Variants in GABRB2 observed in about 807,000 individuals in gnomAD.
GABRB2 encodes the protein gamma-aminobutyric acid type A receptor subunit beta2.
Under a neutral mutation model 54.7 loss-of-function variants are expected in GABRB2, and 16 were observed. The observed-to-expected ratio is 0.29, with a 90% confidence interval of 0.20 to 0.44. The LOEUF is 0.44. GABRB2 is among the 20% of genes least tolerant of loss of function. The pLI is 1.00. For synonymous variants in GABRB2, 244 were observed against 233.8 expected (o/e 1.04, Z -0.40); for missense variants, 355 against 644.0 (o/e 0.55, Z 4.86).
intron 4 of GABRB2, among the ~76,000 whole-genome samples, chr5:161,438,427 G>A (rs928083512): frequency 6.6e-6 from 1 of 152,134 alleles, no homozygotes; most frequent in Non-Finnish European, 1.5e-5. Context: ...AAGAGAGACA[G>A]CTACAAATAA....
intron 3 of GABRB2, among the ~76,000 whole-genome samples, chr5:161,527,516 T>C (rs1760320276): frequency 6.6e-6 from 1 of 151,552 alleles, no homozygotes; most frequent in South Asian, 2.1e-4. Flanking sequence ...AAAAACCTTC[T>C]GGACAATCAA....
chr5:161,450,240 G>A (rs1457776998), intron 4 of GABRB2, among the ~76,000 whole-genome samples: 2 of 151,982 alleles, frequency 1.3e-5, no homozygotes, highest in African/African-American at 2.4e-5. Context: ...TCATTCCGTT[G>A]AAATCAACAG....
At chr5:161,532,573 A>C (rs1760495743) in intron 3 of GABRB2, among the ~76,000 whole-genome samples, 1 of 152,116 alleles carries the variant, frequency 6.6e-6, no homozygotes, top group Non-Finnish European at 1.5e-5. Context: ...TATACTCAAC[A>C]TTTTATTTTG....
intron 5 of GABRB2, among the ~76,000 whole-genome samples, chr5:161,367,090 A>C (rs1754993240): frequency 6.6e-6 from 1 of 152,212 alleles, no homozygotes; most frequent in African/African-American, 2.4e-5. Context: ...ATAAGGAAAA[A>C]AATCTGTGAG....
chr5:161,432,504 A>C (rs1193362410), intron 4 of GABRB2, among the ~76,000 whole-genome samples: 1 of 152,206 alleles, frequency 6.6e-6, no homozygotes. Context: ...GATCTCAACA[A>C]GATAGTGAGA....
chr5:161,470,573 A>C (rs1274015795), intron 3 of GABRB2, among the ~76,000 whole-genome samples: 1 of 151,928 alleles, frequency 6.6e-6, no homozygotes, highest in Non-Finnish European at 1.5e-5. Context: ...TGATCTGCTA[A>C]CCAAGAATGC....
At chr5:161,510,189 CA>C (rs1641837658) in intron 3 of GABRB2, among the ~76,000 whole-genome samples, 2 of 151,914 alleles carry the variant, frequency 1.3e-5, no homozygotes, top group African/African-American at 4.8e-5. Flanking sequence ...TATAGTTACT[CA>C]TTGTGCTATC....
At chr5:161,513,291 T>C (rs547187849) in intron 3 of GABRB2, among the ~76,000 whole-genome samples, 1 of 152,112 alleles carries the variant, frequency 6.6e-6, no homozygotes, top group East Asian at 1.9e-4. Flanking sequence ...ATATATTCAA[T>C]GGAAAATAAA....
At chr5:161,430,935 C>A (rs1394110086) in intron 4 of GABRB2, among the ~76,000 whole-genome samples, 1 of 152,088 alleles carries the variant, frequency 6.6e-6, no homozygotes, top group African/African-American at 2.4e-5. Flanking sequence ...AGATAGAAGA[C>A]TTGTGAGTTT....
At chr5:161,463,561 A>T (rs1299145055) in intron 3 of GABRB2, among the ~76,000 whole-genome samples, 5 of 75,150 alleles carry the variant, frequency 6.7e-5, no homozygotes, top group African/African-American at 1.6e-4. Context: ...TTATTTATAT[A>T]TATATATATA....
At chr5:161,408,974 C>G (rs531928182) in intron 5 of GABRB2, among the ~76,000 whole-genome samples, 2 of 152,014 alleles carry the variant, frequency 1.3e-5, no homozygotes, top group East Asian at 3.9e-4. Flanking sequence ...AACCTATTTA[C>G]AACAATAAAG....
chr5:161,323,976 C>T (rs1234642005), intron 9 of GABRB2, among the ~76,000 whole-genome samples: 1 of 152,076 alleles, frequency 6.6e-6, no homozygotes, highest in Non-Finnish European at 1.5e-5. Flanking sequence ...GTGTGTAAAC[C>T]TGTCAGCAAT....
chr5:161,407,016 A>G (rs1471456516), intron 5 of GABRB2, among the ~76,000 whole-genome samples: 1 of 152,108 alleles, frequency 6.6e-6, no homozygotes, highest in Non-Finnish European at 1.5e-5. Context: ...TTACTCAGAG[A>G]TAAGATGAGA....
chr5:161,310,663 G>A (rs1244330532), intron 9 of GABRB2, among the ~76,000 whole-genome samples: 1 of 134,696 alleles, frequency 7.4e-6, no homozygotes, highest in South Asian at 2.3e-4. Flanking sequence ...ACATGCACAC[G>A]CACGCGCACG....
chr5:161,307,040 C>T (rs992220457), intron 9 of GABRB2, among the ~76,000 whole-genome samples: 2 of 152,156 alleles, frequency 1.3e-5, no homozygotes, highest in African/African-American at 4.8e-5. Flanking sequence ...ATGGTTGATG[C>T]TAAATGATGT....
At position 161,294,154 on chromosome 5, in the gene GABRB2, C is replaced by T; in HGVS notation, c.1466G>A (p.Arg489Gln). The change falls in exon 10 of 10, where the codon CGG becomes CAG. Residue 489 changes from arginine (R) to glutamine (Q), a missense_variant. Around this residue, in one of 6 missense-constraint regions of GABRB2, gnomAD observed 201 missense variants for 228.1 expected, o/e 0.88. Transcript: ENST00000393959. ...CACTGGGAAGAATATGCGGGACCACCGATCTATGGCATTCACATCAGTCAA... is the reference window on the plus strand; with the variant it reads ...CACTGGGAAGAATATGCGGGACCACTGATCTATGGCATTCACATCAGTCAA... The part of the protein sequence containing the change: ...PDLTDVNAID[R>Q]WSRIFFPVVF... 2 of 1,614,050 alleles carry T rather than the reference C, an allele frequency of 1.2e-6. No individual in the cohort carries two copies. Among genetic ancestry groups the T allele is most frequent in the Non-Finnish European group, 8.5e-7 (1 of 1,179,966 alleles).
chr5:161,470,780 G>A (rs143023057), intron 3 of GABRB2, among the ~76,000 whole-genome samples: 12 of 151,812 alleles, frequency 7.9e-5, no homozygotes, highest in East Asian at 5.9e-4. Flanking sequence ...GTTGACCACC[G>A]GTAACTTAAA....
intron 9 of GABRB2, among the ~76,000 whole-genome samples, chr5:161,298,813 A>G (rs994122232): frequency 6.6e-6 from 1 of 152,232 alleles, no homozygotes; most frequent in Non-Finnish European, 1.5e-5. Flanking sequence ...ACCATTTTAC[A>G]TATTGACCTC....
chr5:161,458,504 G>C (rs922597576), intron 4 of GABRB2, among the ~76,000 whole-genome samples: 1 of 152,140 alleles, frequency 6.6e-6, no homozygotes, highest in Non-Finnish European at 1.5e-5. Context: ...AAGGATCTAA[G>C]ATAAAGTATC....
Sources: allele counts gnomAD v4.1 joint callset (sites outside exome capture counted in the v4.1 genomes callset), GRCh38; gene constraint gnomAD v4.1.1; regional missense constraint gnomAD v4.1.1; transcripts MANE v1.5; gene names NCBI Gene and HGNC (gene_info 2026-07-23, HGNC 2026-07-21).